Variants in NCAM1 observed in about 807,000 individuals in gnomAD.
The protein encoded by NCAM1 is neural cell adhesion molecule 1.
A neutral mutation model predicts 109.8 loss-of-function variants in NCAM1; 14 were observed. The observed-to-expected ratio is 0.13, with a 90% CI of 0.08 to 0.20. The LOEUF is 0.20. Among genes scored for constraint, NCAM1 ranks in the 10% least tolerant of loss-of-function variants. The pLI, the probability that NCAM1 is intolerant of heterozygous loss-of-function variation, is 1.00. For synonymous variants in NCAM1, 418 were observed against 442.9 expected, an observed-to-expected ratio of 0.94 and a Z score of 0.70; for missense variants, 774 against 1,109.9, an observed-to-expected ratio of 0.70 and a Z score of 4.30.
In NCAM1 at chr11:113,207,982, C is replaced by T. The variant is rs782560011; in HGVS notation, c.896C>T (p.Thr299Ile). The change falls in exon 7 of 20, where the codon ACC becomes ATC. Residue 299 changes from threonine to isoleucine, a missense_variant. Around this residue, in one of 4 missense-constraint regions of NCAM1, gnomAD observed 523 missense variants for 784.2 expected, o/e 0.67. Transcript: ENST00000316851. ...AENKAGEQDA[T>I]IHLKVFAKPK... ...AACAAGGCTGGCGAGCAGGATGCGA[C>T]CATCCACCTCAAAGTCTTTGGTAGG... is the stretch of plus-strand genomic sequence containing the variant. 1.2e-6 allele frequency: 2 copies of T among 1,610,136 alleles called. No homozygotes were observed. The highest frequency in any genetic ancestry group is 1.7e-6 in the Non-Finnish European group (2 of 1,178,308).
intron 9 of NCAM1, among the ~76,000 whole-genome samples, chr11:113,223,764 C>A (rs1944751583): frequency 1.3e-5 from 2 of 152,142 alleles, no homozygotes; most frequent in South Asian, 4.1e-4. Context: ...CCAGAAAGGC[C>A]AGGGGTTGTC....
rs1555125455 is a variant in NCAM1 at position 113,271,842 on chromosome 11, G to C, written c.2422G>C (p.Glu808Gln). The change falls in exon 19 of 20, where the codon GAG becomes CAG. Residue 808 changes from glutamate to glutamine, a missense_variant. Physicochemically the swap from Glu to Gln is conservative, Grantham distance 29. This residue lies in a region of NCAM1 where 122 missense variants were observed against 129.7 expected (regional missense o/e 0.94). Transcript: ENST00000316851. ...AAACCATGATGGAGGGAAACACACA[G>C]AGCCCAACGAGACCACGCCACTGAC... ...TPNHDGGKHT[E>Q]PNETTPLTEP... is the part of the protein sequence containing the mutation. 6.4e-7 allele frequency: 1 copy of C among 1,572,416 alleles called. No individual in the cohort carries two copies. Among genetic ancestry groups the C allele is most frequent in the Non-Finnish European group, 8.6e-7 (1 of 1,159,274 alleles).
intron 17 of NCAM1, chr11:113,263,082 C>T: frequency 7.2e-7 from 1 of 1,382,606 alleles, no homozygotes; most frequent in Non-Finnish European, 9.4e-7. Context: ...AAAAGCTTTA[C>T]CTCCAGACAT....
At position 113,202,344 on chromosome 11, in the gene NCAM1, TTTTTGTTTTGTTTTG is replaced by T. The variant is rs5794855; in HGVS notation, c.53-20_53-6del. The T allele has an allele frequency of 1.8e-5, 27 of 1,522,372 alleles. No individual in the cohort carries two copies. Among genetic ancestry groups the T allele is most frequent in the Non-Finnish European group, 2.2e-5 (25 of 1,124,052 alleles). 94.3% of individuals were successfully genotyped at this position (1,522,372 alleles called of 1,614,324 possible). The stretch of plus-strand genomic sequence containing the variant: ...CTGAACTTTGTGGGTTTTTTTTTGT[TTTTTGTTTTGTTTTG>T]TTTTGTTTTGTTTTTTCAGTTTCTC... On this transcript the variant is annotated intron_variant, in intron 1 of 19. Transcript: ENST00000316851.
chr11:113,192,089 A>G (rs771524627), intron 1 of NCAM1, among the ~76,000 whole-genome samples: 4 of 152,240 alleles, frequency 2.6e-5, no homozygotes, highest in Non-Finnish European at 5.9e-5. Context: ...TGGCAAAAGC[A>G]GTTGAGAGAG....
At chr11:113,252,722 G>T (rs984141600) in intron 15 of NCAM1, among the ~76,000 whole-genome samples, 1 of 149,160 alleles carries the variant, frequency 6.7e-6, no homozygotes, top group Non-Finnish European at 1.5e-5. Context: ...TGCAACCTCT[G>T]CCTCCGGGGT....
chr11:113,221,243 T>G, intron 8 of NCAM1, 53 bp from the exon 9 acceptor site: 1 of 1,537,084 alleles, frequency 6.5e-7, no homozygotes, highest in Non-Finnish European at 8.8e-7. Context: ...TAAAGCAACA[T>G]GTTGTAAAAT....
intron 1 of NCAM1, among the ~76,000 whole-genome samples, chr11:113,058,063 T>C (rs946810606): frequency 2.6e-5 from 4 of 152,066 alleles, no homozygotes; most frequent in African/African-American, 7.2e-5. Context: ...GGTGGGCGTA[T>C]TATGAGGCCA....
At chr11:113,039,626 C>T (rs974437877) in intron 1 of NCAM1, among the ~76,000 whole-genome samples, 10 of 152,250 alleles carry the variant, frequency 6.6e-5, no homozygotes, top group Admixed American at 3.3e-4. Flanking sequence ...GTTATTTCAG[C>T]GTCAGACCCT....
chr11:112,984,612 C>T (rs1555069277), intron 1 of NCAM1, among the ~76,000 whole-genome samples: 1 of 151,936 alleles, frequency 6.6e-6, no homozygotes, highest in Non-Finnish European at 1.5e-5. Context: ...GATGCTTTCT[C>T]ATTGTGATTT....
chr11:113,257,133 C>G (rs527457252), intron 16 of NCAM1, among the ~76,000 whole-genome samples: 1 of 152,328 alleles, frequency 6.6e-6, no homozygotes, highest in South Asian at 2.1e-4. Flanking sequence ...AGGCCCAGTC[C>G]AGAGATCCCA....
intron 8 of NCAM1, among the ~76,000 whole-genome samples, chr11:113,220,738 C>G (rs1461039970): frequency 1.3e-5 from 2 of 151,416 alleles, no homozygotes; most frequent in Admixed American, 1.3e-4. Flanking sequence ...TCCCGAATAG[C>G]TGGGACTACA....
At chr11:113,084,533 G>C (rs2135708368) in intron 1 of NCAM1, among the ~76,000 whole-genome samples, 1 of 152,254 alleles carries the variant, frequency 6.6e-6, no homozygotes, top group South Asian at 2.1e-4. Flanking sequence ...TTGATTGGCA[G>C]TGTTTCACCT....
In NCAM1 at chr11:113,275,272, G is replaced by A. The variant is rs1555126324; in HGVS notation, c.2462G>A (p.Gly821Asp). The A allele has an allele frequency of 6.2e-7, 1 of 1,613,706 alleles. No individual in the cohort carries two copies. Among genetic ancestry groups the A allele is most frequent in the East Asian group, 2.2e-5 (1 of 44,878 alleles). The change falls in exon 20 of 20, where the codon GGC becomes GAC. Residue 821 changes from glycine (G) to aspartate (D), a missense_variant. Gly to Asp is a moderately conservative substitution (Grantham distance 94). Transcript: ENST00000316851. ...GTTTTCCTGATTCTCTGCAGGAAGG[G>A]CCCCGTAGAAGCAAAGCCAGAGTGC... ...ETTPLTEPEK[G>D]PVEAKPECQE...
At chr11:113,177,466 G>T (rs540386730) in intron 1 of NCAM1, among the ~76,000 whole-genome samples, 1 of 152,046 alleles carries the variant, frequency 6.6e-6, no homozygotes, top group South Asian at 2.1e-4. Flanking sequence ...CTGGAGTCTC[G>T]CTCTGTCATC....
intron 1 of NCAM1, among the ~76,000 whole-genome samples, chr11:113,115,679 A>G (rs1441529988): frequency 2.0e-5 from 3 of 152,228 alleles, no homozygotes; most frequent in South Asian, 2.1e-4. Flanking sequence ...CCTGTTACAC[A>G]TGTATTCTTG....
chr11:113,246,180 T>G (rs1205802588), intron 14 of NCAM1, 188 bp from the exon 15 acceptor site: 9 of 555,178 alleles, frequency 1.6e-5, no homozygotes, highest in Non-Finnish European at 2.9e-5. Flanking sequence ...ATTTCTCCTT[T>G]TATTTAGTCT....
chr11:113,059,928 AAAGAC>A (rs1953858207), intron 1 of NCAM1, among the ~76,000 whole-genome samples: 1 of 152,216 alleles, frequency 6.6e-6, no homozygotes, highest in Admixed American at 6.5e-5. Flanking sequence ...AGTGGAAACA[AAAGAC>A]AAACAGGAAT....
chr11:113,249,528 A>T (rs1037609429), intron 15 of NCAM1, among the ~76,000 whole-genome samples: 7 of 152,204 alleles, frequency 4.6e-5, no homozygotes, highest in African/African-American at 1.7e-4. Flanking sequence ...CAGGAGCCAC[A>T]TTCTTCTTCA....
Sources: gnomAD v4.1 joint callset for allele counts (sites outside exome capture counted in the v4.1 genomes callset) on GRCh38, gnomAD v4.1.1 for gene constraint, gnomAD v4.1.1 regional missense constraint, MANE v1.5 for transcripts, NCBI Gene and HGNC (gene_info 2026-07-23, HGNC 2026-07-21) for gene names.